The following SPRED2 variants were observed in gnomAD, a reference collection of about 807,000 sequenced individuals.
The protein encoded by SPRED2 is sprouty related EVH1 domain containing 2, also known as sprouty-related, EVH1 domain-containing protein 2.
Under a neutral mutation model 43.0 loss-of-function variants are expected in SPRED2, and 47 were observed. That is an observed-to-expected ratio of 1.09 (90% CI 0.87 to 1.40). The LOEUF (loss-of-function observed/expected upper bound fraction) is 1.40, where lower values mean the gene tolerates loss of function less well. SPRED2 is among the 40% of genes most tolerant of loss of function. SPRED2 has a pLI of 0.00. For synonymous variants in SPRED2, 225 were observed against 225.7 expected (o/e 1.00, Z 0.03); for missense variants, 561 against 586.4 (o/e 0.96, Z 0.45).
rs186490062 is a variant in SPRED2 at position 65,400,631 on chromosome 2, G to T, written c.26+31331C>A. Among the ~76,000 whole-genome samples, 503 of 152,216 alleles carry T rather than the reference G, an allele frequency of 3.3e-3. 1 individual carries two copies. Among genetic ancestry groups the T allele is most frequent in the Non-Finnish European group, 6.5e-3 (442 of 68,016 alleles). On this transcript the variant is annotated intron_variant, in intron 1 of 5. Coordinates refer to ENST00000356388, the MANE Select transcript of SPRED2 (RefSeq NM_181784.3). ...CTCAGTGTGTGGGCTGGGGTATGGGGGTTCTTCCCTTCCTTTCTGTTCTGT... is the reference window on the plus strand; with the variant it reads ...CTCAGTGTGTGGGCTGGGGTATGGGTGTTCTTCCCTTCCTTTCTGTTCTGT...
intron 1 of SPRED2, among the ~76,000 whole-genome samples, chr2:65,345,356 C>T (rs888052110): frequency 2.1e-4 from 32 of 150,834 alleles, no homozygotes; most frequent in African/African-American, 7.3e-4. Context: ...CTCCGCCTCC[C>T]GGGTTCAAGC....
chr2:65,417,066 CAAT>C (rs1676293135), intron 1 of SPRED2, among the ~76,000 whole-genome samples: 1 of 152,126 alleles, frequency 6.6e-6, no homozygotes, highest in African/African-American at 2.4e-5. Flanking sequence ...GTTCTCACAA[CAAT>C]GTGCCAAAAC....
chr2:65,429,807 C>G (rs1476958355), intron 1 of SPRED2, among the ~76,000 whole-genome samples: 1 of 152,190 alleles, frequency 6.6e-6, no homozygotes, highest in Non-Finnish European at 1.5e-5. Flanking sequence ...ACTAGAACTC[C>G]TCAAATATCT....
At chr2:65,310,758 G>T, downstream of SPRED2, 2 of 534,434 alleles carry the variant, frequency 3.7e-6, no homozygotes, top group Non-Finnish European at 4.8e-6. Flanking sequence ...GGCACAGGAA[G>T]CCCTGTCCCA....
chr2:65,419,647 T>A (rs1043827899), intron 1 of SPRED2, among the ~76,000 whole-genome samples: 13 of 152,036 alleles, frequency 8.6e-5, no homozygotes, highest in Non-Finnish European at 1.8e-4. Flanking sequence ...GAAAAATATA[T>A]GCCAAACATC....
intron 5 of SPRED2, 125 bp downstream of exon 5, chr2:65,316,609 G>C: frequency 8.6e-7 from 1 of 1,162,788 alleles, no homozygotes; most frequent in Non-Finnish European, 1.2e-6. Flanking sequence ...ATATGAAGTG[G>C]GGGTAAAGGC....
At chr2:65,400,990 CAG>C (rs756681690) in intron 1 of SPRED2, among the ~76,000 whole-genome samples, 1 of 152,008 alleles carries the variant, frequency 6.6e-6, no homozygotes, top group Non-Finnish European at 1.5e-5. Context: ...TTTTTTGAGA[CAG>C]AGTCTCACTC....
At chr2:65,404,645 CAG>C (rs1466517542) in intron 1 of SPRED2, among the ~76,000 whole-genome samples, 3 of 152,204 alleles carry the variant, frequency 2.0e-5, no homozygotes, top group Non-Finnish European at 2.9e-5. Flanking sequence ...GCCTCCTGTG[CAG>C]AGAGAGGGGA....
intron 1 of SPRED2, among the ~76,000 whole-genome samples, chr2:65,398,522 C>T (rs371582968): frequency 1.4e-5 from 2 of 147,552 alleles, no homozygotes; most frequent in South Asian, 4.2e-4. Flanking sequence ...AAGAACTCAG[C>T]GAGAAAAAAA....
chr2:65,375,149 G>A (rs1447456081), intron 1 of SPRED2, among the ~76,000 whole-genome samples: 1 of 152,228 alleles, frequency 6.6e-6, no homozygotes, highest in Non-Finnish European at 1.5e-5. Context: ...GGGGGCCCCT[G>A]CCCACGTGCC....
chr2:65,429,156 T>A (rs972060155), intron 1 of SPRED2, among the ~76,000 whole-genome samples: 7 of 152,256 alleles, frequency 4.6e-5, no homozygotes, highest in South Asian at 4.1e-4. Flanking sequence ...ATTATTTTTT[T>A]AAATTAAGCA....
In SPRED2 at chr2:65,316,815, G is replaced by A. The variant is rs756366368; in HGVS notation, c.507C>T (p.Pro169=). 3.7e-6 allele frequency: 6 copies of A among 1,613,818 alleles called. No individual in the cohort carries two copies. In the Admixed American group the frequency reaches 1.0e-4, roughly 27 times the overall value. Residue 169 remains proline (P), a synonymous_variant, in exon 5 of 6, where the codon CCC becomes CCT. Coordinates refer to ENST00000356388, the MANE Select transcript of SPRED2 (RefSeq NM_181784.3). The stretch of plus-strand genomic sequence containing the variant: ...AAATCCTCCGGTGCTCACAGGATGT[G>A]GGAGAGGAGATTGTCCGAGTAGGTT... ...REQPTRTISS[P]TSCEHRRIYT...
In SPRED2 at chr2:65,313,589, CAG is replaced by C; in HGVS notation, c.1167_1168del (p.Cys390TyrfsTer86). On this transcript the variant is annotated frameshift_variant, in exon 6 of 6. Transcript: ENST00000356388. LOFTEE classifies it high-confidence loss of function. Reference sequence around the variant, plus strand: ...CCGAAGGGGCAGGTAACAGCACATACAGGGGGCCAGGAAAGACAAGGCAATAA... The same window carrying C: ...CCGAAGGGGCAGGTAACAGCACATACGGGGCCAGGAAAGACAAGGCAATAA... The C allele has an allele frequency of 1.2e-6, 2 of 1,614,210 alleles. No homozygotes were observed. Among genetic ancestry groups the C allele is most frequent in the Non-Finnish European group, 1.7e-6 (2 of 1,180,028 alleles).
chr2:65,340,450 C>T (rs189912700), intron 2 of SPRED2, among the ~76,000 whole-genome samples: 2 of 152,326 alleles, frequency 1.3e-5, no homozygotes, highest in East Asian at 1.9e-4. Context: ...TGAGAATGCT[C>T]GCTGACCTAC....
intron 1 of SPRED2, among the ~76,000 whole-genome samples, chr2:65,414,942 G>A (rs889490766): frequency 6.6e-6 from 1 of 152,116 alleles, no homozygotes; most frequent in Non-Finnish European, 1.5e-5. Flanking sequence ...GTCATTAGTT[G>A]ACTCTATCCC....
intron 1 of SPRED2, among the ~76,000 whole-genome samples, chr2:65,414,279 G>A (rs1363467883): frequency 6.6e-6 from 1 of 152,226 alleles, no homozygotes. Flanking sequence ...GGGAAAGGAG[G>A]AAGGGCTGCC....
intron 1 of SPRED2, among the ~76,000 whole-genome samples, chr2:65,402,278 C>CAAA (rs58209803): frequency 1.7e-4 from 11 of 64,396 alleles, no homozygotes; most frequent in African/African-American, 3.6e-4. Flanking sequence ...GACTCTGTCT[C>CAAA]AAAAAAAAAA....
At position 65,348,220 on chromosome 2, in the gene SPRED2, T is replaced by C. The variant is rs569735138; in HGVS notation, c.27-3324A>G. On this transcript the variant is annotated intron_variant, in intron 1 of 5. Coordinates refer to ENST00000356388, the MANE Select transcript of SPRED2 (RefSeq NM_181784.3). ...TTCTCTTATTTCACTTAAGTCTCTG[T>C]CCAAGGTTATTTCAGAGAGGACTTC... 5.3e-5 allele frequency among the ~76,000 whole-genome samples: 8 copies of C among 152,278 alleles called. No individual in the cohort carries two copies. In the South Asian group the frequency reaches 1.7e-3, roughly 32 times the overall value.
chr2:65,307,500 T>C (rs993808787), downstream of SPRED2, among the ~76,000 whole-genome samples: 1 of 146,902 alleles, frequency 6.8e-6, no homozygotes, highest in African/African-American at 2.5e-5. Context: ...CTGGCCTGTA[T>C]GACATTTTAA....
Sources: gnomAD v4.1 joint callset for allele counts (sites outside exome capture counted in the v4.1 genomes callset) on GRCh38, gnomAD v4.1.1 for gene constraint, MANE v1.5 for transcripts, NCBI Gene and HGNC (gene_info 2026-07-23, HGNC 2026-07-21) for gene names.